Variants in PDE4D observed in about 807,000 individuals in gnomAD.
PDE4D encodes the protein 3',5'-cyclic-AMP phosphodiesterase 4D.
PDE4D carries 24 observed loss-of-function variants against 87.4 expected under a neutral mutation model. The observed-to-expected ratio is 0.27, with a 90% confidence interval of 0.20 to 0.39. The LOEUF (loss-of-function observed/expected upper bound fraction) is 0.39. Among genes scored for constraint, PDE4D ranks in the 10% least tolerant of loss-of-function variants. PDE4D has a pLI of 1.00. For missense variants in PDE4D, 714 were observed against 1,041.0 expected, an observed-to-expected ratio of 0.69 and a Z score of 4.32; for synonymous variants, 384 against 383.2, an observed-to-expected ratio of 1.00 and a Z score of -0.02.
At chr5:60,394,286 G>A (rs896890294) in intron 1 of PDE4D, among the ~76,000 whole-genome samples, 2 of 152,188 alleles carry the variant, frequency 1.3e-5, no homozygotes, top group Non-Finnish European at 2.9e-5. Flanking sequence ...CTGCTTTCAA[G>A]AATATGTAAA....
At position 59,893,445 on chromosome 5, in the gene PDE4D, G is replaced by T; in HGVS notation, c.178C>A (p.Pro60Thr). The change falls in exon 1 of 15, where the codon CCG (proline) becomes ACG (threonine). Residue 60 changes from proline to threonine, a missense_variant. Pro to Thr is a conservative substitution (Grantham distance 38). Coordinates refer to ENST00000340635, the MANE Select transcript of PDE4D (RefSeq NM_001104631.2). The part of the protein sequence containing the change: ...LLHPHHHLPP[P>T]PPPSPQPQPQ... ...TGGGGCTGGGGCGAGGGTGGCGGCG[G>T]CGGGGGCAGGTGGTGATGGGGATGC... 1 of 1,515,816 alleles carries T rather than the reference G, an allele frequency of 6.6e-7. No homozygotes were observed. 93.9% of individuals were successfully genotyped at this position (1,515,816 alleles called of 1,614,324 possible). A position where few individuals can be genotyped will look rare whatever the true frequency, so the allele number is the denominator to read the frequency against.
rs1580022878 is a variant in PDE4D, at chr5:58,975,951, A to AC, written c.1831-113_1831-112insG. ...GACTGCAACACTTAAAAATACACGT[A>AC]GTGTAAGATTTATTCCAAACAGCTC... On this transcript the variant is annotated intron_variant, in intron 13 of 14. Coordinates refer to ENST00000340635, the MANE Select transcript of PDE4D (RefSeq NM_001104631.2). The surrounding 1 kb of genome is among the most constrained non-coding windows in gnomAD (Gnocchi z 4.2). 27 of 769,624 alleles carry AC rather than the reference A, an allele frequency of 3.5e-5. No homozygotes were observed. In the East Asian group the frequency reaches 5.9e-4, roughly 17 times the overall value. 47.7% of individuals were successfully genotyped at this position (769,624 alleles called of 1,614,324 possible).
At chr5:59,509,764 A>T (rs1809947234) in intron 1 of PDE4D, among the ~76,000 whole-genome samples, 1 of 149,948 alleles carries the variant, frequency 6.7e-6, no homozygotes, top group South Asian at 2.1e-4. Flanking sequence ...ACGTGAAAAG[A>T]AAACAAACAT....
rs564003860 is a variant in PDE4D at position 60,081,842 on chromosome 5, C to G, written c.43-93125G>C. On this transcript the variant is annotated intron_variant, in intron 2 of 16. Transcript: ENST00000502484. ...AGTCTGATGGGCTTCCCTAGTCCCT[C>G]TGGACAATTCCTCAATGCACAGGAA... is the stretch of plus-strand genomic sequence containing the variant. 1.2e-4 allele frequency among the ~76,000 whole-genome samples: 18 copies of G among 152,278 alleles called. No homozygotes were observed. In the East Asian group the frequency reaches 1.4e-3, roughly 11 times the overall value.
intron 5 of PDE4D, among the ~76,000 whole-genome samples, chr5:59,172,386 T>C (rs929992386): frequency 3.6e-5 from 5 of 138,236 alleles, no homozygotes; most frequent in Non-Finnish European, 6.1e-5. Context: ...TATATTTATA[T>C]AAATATATAT....
At chr5:59,039,858 G>T (rs1254451307) in intron 5 of PDE4D, 1 of 152,460 alleles carries the variant, frequency 6.6e-6, no homozygotes, top group Admixed American at 6.5e-5. Flanking sequence ...GGAGAGCGGC[G>T]GAAAACCCGG....
At position 59,559,928 on chromosome 5, in the gene PDE4D, T is replaced by C. The variant is rs540789049; in HGVS notation, c.455+333240A>G. On this transcript the variant is annotated intron_variant, in intron 1 of 14. Coordinates refer to ENST00000340635, the MANE Select transcript of PDE4D (RefSeq NM_001104631.2). Reference sequence around the variant, plus strand: ...ATAAATGAAGAAACATGCCACCCTTTAAAAATACCAGTTTCTTGACATATA... The same window carrying C: ...ATAAATGAAGAAACATGCCACCCTTCAAAAATACCAGTTTCTTGACATATA... Among the ~76,000 whole-genome samples the C allele has an allele frequency of 3.3e-5, 5 of 152,304 alleles. No individual in the cohort carries two copies. In the South Asian group the frequency reaches 1.0e-3, roughly 32 times the overall value.
At chr5:59,447,104 G>A (rs567085213) in intron 1 of PDE4D, among the ~76,000 whole-genome samples, 1 of 152,336 alleles carries the variant, frequency 6.6e-6, no homozygotes, top group East Asian at 1.9e-4. Flanking sequence ...CTGGTGCTGT[G>A]AGATGGGTCA....
At chr5:59,854,832 A>G (rs1745189566) in intron 1 of PDE4D, among the ~76,000 whole-genome samples, 1 of 152,084 alleles carries the variant, frequency 6.6e-6, no homozygotes, top group African/African-American at 2.4e-5. Context: ...GCCTCTCTCA[A>G]GTTGTCTTGC....
In PDE4D at chr5:60,381,031, T is replaced by C. The variant is rs548759090; in HGVS notation, c.-90+106911A>G. Reference sequence around the variant, plus strand: ...AAAAACCTCTCTTCAAGACTGAACTTAGGCCAGCTCCTGAGAGTAAGCCTT... The same window carrying C: ...AAAAACCTCTCTTCAAGACTGAACTCAGGCCAGCTCCTGAGAGTAAGCCTT... On this transcript the variant is annotated intron_variant, in intron 1 of 16. Transcript: ENST00000502484. Among the ~76,000 whole-genome samples, 4 of 152,308 alleles carry C rather than the reference T, an allele frequency of 2.6e-5. No homozygotes were observed. In the South Asian group the frequency reaches 8.3e-4, roughly 32 times the overall value.
intron 5 of PDE4D, among the ~76,000 whole-genome samples, chr5:59,174,023 T>C (rs1783431156): frequency 6.6e-6 from 1 of 152,208 alleles, no homozygotes; most frequent in African/African-American, 2.4e-5. Context: ...ATTGTCACCA[T>C]GAAATAGTTG....
rs944202771 is a variant in PDE4D, at chr5:59,909,253, A to G, written c.272+79235T>C. Among the ~76,000 whole-genome samples, 3 of 152,188 alleles carry G rather than the reference A, an allele frequency of 2.0e-5. No homozygotes were observed. The East Asian group carries it at 5.8e-4, about 29-fold the overall frequency. ...TATTGTGACAGCCTTCTAATTTAGTATTATTCAAAATGTGGCCTGAAGACC... is the reference window on the plus strand; with the variant it reads ...TATTGTGACAGCCTTCTAATTTAGTGTTATTCAAAATGTGGCCTGAAGACC... On this transcript the variant is annotated intron_variant, in intron 3 of 16. Coordinates refer to the PDE4D transcript ENST00000502484.
intron 1 of PDE4D, among the ~76,000 whole-genome samples, chr5:59,729,223 T>A (rs993292095): frequency 1.6e-4 from 24 of 152,228 alleles, no homozygotes; most frequent in Middle Eastern, 6.8e-3. Flanking sequence ...ATTCATTTGT[T>A]GACTATATTT....
At chr5:60,395,244 G>C (rs1388648477) in intron 1 of PDE4D, among the ~76,000 whole-genome samples, 1 of 151,942 alleles carries the variant, frequency 6.6e-6, no homozygotes, top group Non-Finnish European at 1.5e-5. Flanking sequence ...TGAATAACTT[G>C]TTGAAAACCA....
chr5:60,065,133 A>G (rs1189370038), intron 2 of PDE4D, among the ~76,000 whole-genome samples: 2 of 152,080 alleles, frequency 1.3e-5, no homozygotes, highest in African/African-American at 4.8e-5. Context: ...TCAGAAAAGC[A>G]GATTTTGAGT....
chr5:60,303,378 G>T (rs568064908), intron 1 of PDE4D, among the ~76,000 whole-genome samples: 4 of 145,468 alleles, frequency 2.7e-5, no homozygotes, highest in African/African-American at 1.0e-4. Context: ...GCGCGATCTC[G>T]GCTCACTGCA....
chr5:59,315,708 G>A (rs1381929424), intron 1 of PDE4D, among the ~76,000 whole-genome samples: 2 of 152,118 alleles, frequency 1.3e-5, no homozygotes, highest in African/African-American at 2.4e-5. Flanking sequence ...ACAGTAAGGG[G>A]CAAAATGGCA....
chr5:59,106,476 T>A (rs1771596606), intron 5 of PDE4D, among the ~76,000 whole-genome samples: 1 of 152,150 alleles, frequency 6.6e-6, no homozygotes, highest in African/African-American at 2.4e-5. Flanking sequence ...AAAACCACCA[T>A]GTTAGGCCGG....
chr5:59,828,133 G>A (rs1266412204), intron 1 of PDE4D, among the ~76,000 whole-genome samples: 1 of 151,454 alleles, frequency 6.6e-6, no homozygotes, highest in Non-Finnish European at 1.5e-5. Context: ...TTGAGGCCAA[G>A]TTAAAAAAAA....
Sources: gnomAD v4.1 joint callset for allele counts (sites outside exome capture counted in the v4.1 genomes callset) on GRCh38, gnomAD v4.1.1 for gene constraint, Gnocchi (gnomAD v3.1) non-coding constraint, MANE v1.5 for transcripts, NCBI Gene and HGNC (gene_info 2026-07-23, HGNC 2026-07-21) for gene names.